Variants in LUZP2 observed in about 807,000 individuals in gnomAD.
The protein encoded by LUZP2 is leucine zipper protein 2.
A neutral mutation model predicts 51.6 loss-of-function variants in LUZP2; 52 were observed. The observed-to-expected ratio is 1.01, with a 90% CI of 0.81 to 1.27. LUZP2 has a LOEUF of 1.27. LUZP2 is among the 50% of genes most tolerant of loss of function. The pLI is 0.00. For synonymous variants in LUZP2, 154 were observed against 137.3 expected (o/e 1.12, Z -0.85); for missense variants, 436 against 395.4 (o/e 1.10, Z -0.87).
At chr11:24,758,773 A>G (rs1307561369) in intron 4 of LUZP2, among the ~76,000 whole-genome samples, 1 of 152,016 alleles carries the variant, frequency 6.6e-6, no homozygotes, top group Non-Finnish European at 1.5e-5. Context: ...ATTTTTTTCT[A>G]TCAAGATAAG....
At chr11:24,823,001 G>A (rs1171725586) in intron 5 of LUZP2, among the ~76,000 whole-genome samples, 1 of 152,074 alleles carries the variant, frequency 6.6e-6, no homozygotes, top group Non-Finnish European at 1.5e-5. Flanking sequence ...ATATTTGTAT[G>A]TATTTCCAGT....
chr11:24,891,121 A>G, intron 5 of LUZP2: 3 of 983,534 alleles, frequency 3.1e-6, no homozygotes, highest in Non-Finnish European at 3.6e-6. Context: ...ACAAATTAGA[A>G]CAAAAGAATA....
chr11:24,980,795 G>A (rs1314004416), intron 8 of LUZP2, among the ~76,000 whole-genome samples: 1 of 151,548 alleles, frequency 6.6e-6, no homozygotes, highest in Admixed American at 6.6e-5. Flanking sequence ...TTTCTATATG[G>A]GTATTTGGAA....
At chr11:25,002,332 A>T (rs1158760276) in intron 9 of LUZP2, among the ~76,000 whole-genome samples, 1 of 152,146 alleles carries the variant, frequency 6.6e-6, no homozygotes. Flanking sequence ...CTTCCAAGAG[A>T]TCATCTCGGG....
At chr11:24,746,636 C>G (rs1246688626) in intron 4 of LUZP2, among the ~76,000 whole-genome samples, 1 of 152,144 alleles carries the variant, frequency 6.6e-6, no homozygotes, top group South Asian at 2.1e-4. Context: ...ATTATTCCCC[C>G]AAATAGGTTT....
rs191496268 is a variant in LUZP2, at chr11:24,638,086, C to A, written c.63-91083C>A. On this transcript the variant is annotated intron_variant, in intron 1 of 11. Transcript: ENST00000336930. Reference sequence around the variant, plus strand: ...AACACTTAGGGAAAATAGAAAAGAACCTACGTTGAAATGTTGGGGGCTGGT... The same window carrying A: ...AACACTTAGGGAAAATAGAAAAGAAACTACGTTGAAATGTTGGGGGCTGGT... Among the ~76,000 whole-genome samples, 260 of 151,778 alleles carry A rather than the reference C, an allele frequency of 1.7e-3. 7 individuals are homozygous for A. The highest frequency in any genetic ancestry group is 6.1e-3 in the African/African-American group (252 of 41,148).
chr11:24,667,287 G>A (rs969372262), intron 1 of LUZP2, among the ~76,000 whole-genome samples: 4 of 150,052 alleles, frequency 2.7e-5, no homozygotes, highest in African/African-American at 7.4e-5. Context: ...GGATTGAAGC[G>A]ATTCTCCTGC....
At chr11:25,049,632 C>G (rs974684285) in intron 9 of LUZP2, among the ~76,000 whole-genome samples, 1 of 151,842 alleles carries the variant, frequency 6.6e-6, no homozygotes, top group East Asian at 1.9e-4. Flanking sequence ...TTCTTTCTAT[C>G]GAGAAAATCA....
chr11:24,584,126 G>A (rs1281070834), intron 1 of LUZP2, among the ~76,000 whole-genome samples: 2 of 152,112 alleles, frequency 1.3e-5, no homozygotes, highest in Admixed American at 6.6e-5. Flanking sequence ...TTAAAGATGA[G>A]TTAGTGAAAA....
rs979407761 is a variant in LUZP2, at chr11:24,998,335, C to T, written c.765+15042C>T. On this transcript the variant is annotated intron_variant, in intron 9 of 11. Transcript: ENST00000336930. ...TAGTTCTCCTTGAAGAGGTCCTTCACGTCCCTTGTAAGTTGGATTCTTAGG... is the reference window on the plus strand; with the variant it reads ...TAGTTCTCCTTGAAGAGGTCCTTCATGTCCCTTGTAAGTTGGATTCTTAGG... 3.9e-5 allele frequency among the ~76,000 whole-genome samples: 6 copies of T among 152,114 alleles called. No individual in the cohort carries two copies. In the South Asian group the frequency reaches 8.3e-4, roughly 21 times the overall value.
At chr11:24,868,523 T>C (rs73442320) in intron 5 of LUZP2, among the ~76,000 whole-genome samples, 9,784 of 152,206 alleles carry the variant, frequency 0.064, 473 homozygotes, top group African/African-American at 0.13. Context: ...GCTTTTCTCT[T>C]GTTAATCTGT....
intron 5 of LUZP2, among the ~76,000 whole-genome samples, chr11:24,871,201 G>A (rs193171262): frequency 2.1e-3 from 314 of 151,652 alleles, no homozygotes; most frequent in African/African-American, 7.2e-3. Context: ...AACTTTTCCT[G>A]TATATTTACT....
At chr11:24,776,951 C>T (rs1461612884) in intron 5 of LUZP2, among the ~76,000 whole-genome samples, 1 of 151,872 alleles carries the variant, frequency 6.6e-6, no homozygotes, top group African/African-American at 2.4e-5. Flanking sequence ...GCCTTCATTC[C>T]CAACAGGGCA....
chr11:24,506,216 A>G (rs570694001), intron 1 of LUZP2, among the ~76,000 whole-genome samples: 4 of 152,284 alleles, frequency 2.6e-5, no homozygotes, highest in African/African-American at 7.2e-5. Flanking sequence ...GTGCTTGGAA[A>G]GATACTATAA....
intron 5 of LUZP2, among the ~76,000 whole-genome samples, chr11:24,852,949 T>G (rs1486954410): frequency 6.6e-6 from 1 of 152,152 alleles, no homozygotes; most frequent in East Asian, 1.9e-4. Context: ...ATCCCTTTAT[T>G]CTGAACCTAT....
chr11:24,630,704 C>T (rs1040633237), intron 1 of LUZP2, among the ~76,000 whole-genome samples: 1 of 137,488 alleles, frequency 7.3e-6, no homozygotes, highest in African/African-American at 2.6e-5. Flanking sequence ...CTGTTCCATA[C>T]TAAGTTTAAG....
chr11:24,768,906 A>G (rs78056394), intron 5 of LUZP2, among the ~76,000 whole-genome samples: 12,219 of 152,272 alleles, frequency 0.08, 1,058 homozygotes, highest in African/African-American at 0.22. Context: ...TTATATATCC[A>G]AAGGAAATGA....
At chr11:24,574,396 C>CTG (rs1852568957) in intron 1 of LUZP2, among the ~76,000 whole-genome samples, 1 of 133,768 alleles carries the variant, frequency 7.5e-6, no homozygotes, top group Admixed American at 8.0e-5. Context: ...TTTCTTTCAT[C>CTG]TCTCTCTCTC....
At chr11:24,973,363 A>ATTT (rs1554948326) in intron 7 of LUZP2, among the ~76,000 whole-genome samples, 7 of 15,992 alleles carry the variant, frequency 4.4e-4, no homozygotes, top group Non-Finnish European at 6.0e-4. Context: ...TATATTTATT[A>ATTT]GTTTTTTTTT....
Sources: gnomAD v4.1 joint callset for allele counts (sites outside exome capture counted in the v4.1 genomes callset) on GRCh38, gnomAD v4.1.1 for gene constraint, MANE v1.5 for transcripts, NCBI Gene and HGNC (gene_info 2026-07-23, HGNC 2026-07-21) for gene names.